TRAFD1: variants seen among roughly 807,000 people sequenced by gnomAD.
The protein encoded by TRAFD1 is TRAF-type zinc finger domain containing 1.
In TRAFD1, 38 loss-of-function variants were observed where a neutral mutation model predicts 65.3. That is an observed-to-expected ratio of 0.58 (90% CI 0.45 to 0.76). The LOEUF (loss-of-function observed/expected upper bound fraction) is 0.76, where lower values mean the gene tolerates loss of function less well. TRAFD1 is among the 30% of genes least tolerant of loss of function. The pLI is 0.00. For missense variants in TRAFD1, 631 were observed against 712.6 expected (o/e 0.89, Z 1.30); for synonymous variants, 223 against 257.2 (o/e 0.87, Z 1.27).
At chr12:112,131,308 T>C (rs908662612) in intron 2 of TRAFD1, among the ~76,000 whole-genome samples, 3 of 152,192 alleles carry the variant, frequency 2.0e-5, no homozygotes, top group African/African-American at 4.8e-5. Flanking sequence ...AGAGACACAT[T>C]GGTTTTTAGC....
rs773695666 is a variant in TRAFD1, at chr12:112,151,806, C to T, written c.1285C>T (p.Leu429=). The change falls in exon 10 of 12, where the codon CTG becomes TTG. Residue 429 remains leucine (L), a synonymous_variant. Transcript: ENST00000412615. ...PRRRVRHQGD[L]SSGYLDDTKQ... ...TTACCATTTTCTCTTCTCAGGAGAC[C>T]TGTCTTCTGGTTACCTGGATGATAC... 6.8e-6 allele frequency: 11 copies of T among 1,611,690 alleles called. No individual in the cohort carries two copies. The highest frequency in any genetic ancestry group is 9.3e-6 in the Non-Finnish European group (11 of 1,178,160).
rs922161556 is a variant in TRAFD1 at position 112,137,962 on chromosome 12, C to T, written c.238-2857C>T. ...AATTACCCTTAAAGGTAATTCACAG[C>T]GGGCTACAGTGACTCATGCCTGTAT... On this transcript the variant is annotated intron_variant, in intron 4 of 11. Coordinates refer to ENST00000412615, the MANE Select transcript of TRAFD1 (RefSeq NM_006700.3). This position sits in a 1 kb window ranked among gnomAD's most constrained non-coding sequence, Gnocchi z 4.2. 2.0e-5 allele frequency among the ~76,000 whole-genome samples: 3 copies of T among 151,834 alleles called. No individual in the cohort carries two copies. Among genetic ancestry groups the T allele is most frequent in the Non-Finnish European group, 4.4e-5 (3 of 67,964 alleles).
At position 112,153,077 on chromosome 12, in the gene TRAFD1, T is replaced by C. The variant is rs541833432; in HGVS notation, c.*286T>C. On this transcript the variant is annotated 3_prime_UTR_variant, in exon 12 of 12. Coordinates refer to ENST00000412615, the MANE Select transcript of TRAFD1 (RefSeq NM_006700.3). ...GCTGCCAGGGCTCCCTTTTGACTTA[T>C]TGTCGCCACTGCCCCTTGGTGCTGT... The C allele has an allele frequency of 2.4e-5, 9 of 374,786 alleles. No individual in the cohort carries two copies. In the South Asian group the frequency reaches 3.5e-4, roughly 15 times the overall value. 23.2% of individuals were successfully genotyped at this position (374,786 alleles called of 1,614,324 possible).
intron 7 of TRAFD1, 55 bp downstream of exon 7, chr12:112,145,717 G>A: frequency 6.6e-7 from 1 of 1,522,324 alleles, no homozygotes; most frequent in Non-Finnish European, 9.1e-7. Context: ...GGCCATAATT[G>A]GTGTTGCAGG....
rs2030451440 is a variant in TRAFD1 at position 112,152,944 on chromosome 12, GT to G, written c.*154del. The G allele has an allele frequency of 3.7e-6, 3 of 817,312 alleles. No individual in the cohort carries two copies. In the East Asian group the frequency reaches 8.1e-5, roughly 22 times the overall value. The allele number at this position is 817,312 out of a possible 1,614,324, so 50.6% of individuals were successfully genotyped here. ...TGGCCATTTTGTGTCTTTTGAGGTT[GT>G]GCTGTGGGGGTTTGGGTTTGAGGGA... On this transcript the variant is annotated 3_prime_UTR_variant, in exon 12 of 12. Coordinates refer to ENST00000412615, the MANE Select transcript of TRAFD1 (RefSeq NM_006700.3). The surrounding 1 kb of genome is among the most constrained non-coding windows in gnomAD (Gnocchi z 5.0).
At chr12:112,131,714 T>A (rs549571215) in intron 2 of TRAFD1, among the ~76,000 whole-genome samples, 2 of 152,196 alleles carry the variant, frequency 1.3e-5, no homozygotes, top group Non-Finnish European at 2.9e-5. Flanking sequence ...CTTCATTTTC[T>A]CCGAAGGTAG....
rs966732589 is a variant in TRAFD1, at chr12:112,137,914, T to G, written c.237+2848T>G. Among the ~76,000 whole-genome samples, 41 of 152,252 alleles carry G rather than the reference T, an allele frequency of 2.7e-4. No homozygotes were observed. The South Asian group carries it at 2.7e-3, about 10-fold the overall frequency. On this transcript the variant is annotated intron_variant, in intron 4 of 11. Coordinates refer to ENST00000412615, the MANE Select transcript of TRAFD1 (RefSeq NM_006700.3). This position sits in a 1 kb window ranked among gnomAD's most constrained non-coding sequence, Gnocchi z 4.2. ...TCTGTGTGCCTCAAACTGTAACAAC[T>G]TGATTTTATTAATTTATAATTAAAT...
At chr12:112,150,389 A>C (rs2030367191) in intron 9 of TRAFD1, among the ~76,000 whole-genome samples, 1 of 151,924 alleles carries the variant, frequency 6.6e-6, no homozygotes, top group South Asian at 2.1e-4. Context: ...AGCTGGAACT[A>C]CAGGCACACT....
chr12:112,135,533 A>G (rs1208537394), intron 4 of TRAFD1, among the ~76,000 whole-genome samples: 4 of 152,116 alleles, frequency 2.6e-5, no homozygotes, highest in African/African-American at 9.7e-5. Context: ...TCCCAGGTTC[A>G]AGCAATTCTC....
At position 112,152,361 on chromosome 12, in the gene TRAFD1, CCTCT is replaced by C. The variant is rs1442240109; in HGVS notation, c.1620-65_1620-62del. ...GCTAGCATAGGACTGCTTCCTGTTC[CCTCT>C]GAGTTTGTTGACCTTTGCTCAGGGA... On this transcript the variant is annotated intron_variant, in intron 10 of 11. Transcript: ENST00000412615. The surrounding 1 kb of genome is among the most constrained non-coding windows in gnomAD (Gnocchi z 5.0). 2.0e-5 allele frequency: 32 copies of C among 1,590,248 alleles called. No homozygotes were observed. The highest frequency in any genetic ancestry group is 1.3e-4 in the African/African-American group (10 of 74,622).
In TRAFD1 at chr12:112,141,120, G is replaced by A. The variant is rs1313459005; in HGVS notation, c.539G>A (p.Arg180Lys). ...RQIEALDPPM[R>K]LPRRPLRAFE... ...ATTGAGGCTCTGGACCCACCCATGA[G>A]GCTGCCGCGAAGGCCCCTGAGAGCC... is the stretch of plus-strand genomic sequence containing the variant. The change falls in exon 5 of 12, where the codon AGG becomes AAG. Residue 180 changes from arginine (R) to lysine (K), a missense_variant. Physicochemically the swap from Arg to Lys is conservative, Grantham distance 26 (BLOSUM62 2). Coordinates refer to ENST00000412615, the MANE Select transcript of TRAFD1 (RefSeq NM_006700.3). 1 of 1,614,174 alleles carries A rather than the reference G, an allele frequency of 6.2e-7. No individual in the cohort carries two copies. Among genetic ancestry groups the A allele is most frequent in the African/African-American group, 1.3e-5 (1 of 75,046 alleles).
intron 4 of TRAFD1, among the ~76,000 whole-genome samples, chr12:112,135,834 T>C (rs943280216): frequency 6.6e-6 from 1 of 151,762 alleles, no homozygotes; most frequent in African/African-American, 2.4e-5. Context: ...GGTTTTTTTT[T>C]TTTTTTTTTT....
intron 2 of TRAFD1, among the ~76,000 whole-genome samples, chr12:112,131,571 G>A (rs2079566293): frequency 6.6e-6 from 1 of 152,162 alleles, no homozygotes; most frequent in African/African-American, 2.4e-5. Context: ...AATTTTTCTG[G>A]AAGCTTTGGT....
At position 112,149,855 on chromosome 12, in the gene TRAFD1, G is replaced by A. The variant is rs763124143; in HGVS notation, c.1263G>A (p.Arg421=). 1.2e-6 allele frequency: 2 copies of A among 1,614,022 alleles called. No homozygotes were observed. Residue 421 remains arginine, a synonymous_variant, in exon 9 of 12, where the codon AGG becomes AGA. Transcript: ENST00000412615. ...AGACCTCACCAGAGCTGCCCAGGAG[G>A]CGTGTCAGACACCAGGGTATTTATT... The part of the protein sequence containing the change: ...PQETSPELPR[R]RVRHQGDLSS...
chr12:112,141,868 G>T, intron 5 of TRAFD1: 1 of 528,014 alleles, frequency 1.9e-6, no homozygotes, highest in Non-Finnish European at 3.4e-6. Flanking sequence ...CAGTAATATT[G>T]CTTAATAATA....
chr12:112,134,842 T>G lies in TRAFD1; in HGVS notation c.152T>G (p.Met51Arg). ...TCKEPFPKSD[M>R]ETHMAAEHCQ... ...AAGGAACCATTTCCCAAATCTGACA[T>G]GGAGACTCACATGGCTGCAGAACAC... The change falls in exon 3 of 12, where the codon ATG (methionine) becomes AGG (arginine). Residue 51 changes from methionine (M) to arginine (R), a missense_variant. Coordinates refer to ENST00000412615, the MANE Select transcript of TRAFD1 (RefSeq NM_006700.3). 1 of 1,613,674 alleles carries G rather than the reference T, an allele frequency of 6.2e-7. No individual in the cohort carries two copies. Among genetic ancestry groups the G allele is most frequent in the Non-Finnish European group, 8.5e-7 (1 of 1,179,556 alleles).
rs992306190 is a variant in TRAFD1 at position 112,130,553 on chromosome 12, C to G, written c.31C>G (p.Arg11Gly). The G allele has an allele frequency of 1.2e-6, 2 of 1,612,556 alleles. No individual in the cohort carries two copies. Among genetic ancestry groups the G allele is most frequent in the Non-Finnish European group, 1.7e-6 (2 of 1,179,188 alleles). MAEFLDDQET[R>G]LCDNCKKEIP... ...TGAATTTCTAGATGACCAGGAAACT[C>G]GACTGTGTGACAACTGGTAAGACAT... Residue 11 changes from arginine to glycine, a missense_variant, in exon 2 of 12, where the codon CGA becomes GGA. By Grantham distance (125) the Arg-to-Gly change is moderately radical. Coordinates refer to ENST00000412615, the MANE Select transcript of TRAFD1 (RefSeq NM_006700.3). This position sits in a 1 kb window ranked among gnomAD's most constrained non-coding sequence, Gnocchi z 4.4.
rs1243967771 is a variant in TRAFD1, at chr12:112,135,860, C to T, written c.237+794C>T. On this transcript the variant is annotated intron_variant, in intron 4 of 11. Transcript: ENST00000412615. The stretch of plus-strand genomic sequence containing the variant: ...TTTTTTTTTTAAATACAGACAGGGT[C>T]GGCTGGGCATGGTGGCTCATGCCTG... Among the ~76,000 whole-genome samples the T allele has an allele frequency of 1.0e-4, 14 of 138,070 alleles. No homozygotes were observed. The East Asian group carries it at 2.0e-3, about 20-fold the overall frequency. The allele number at this position is 138,070 out of a possible 152,430, so 90.6% of individuals were successfully genotyped here. A position where few individuals can be genotyped will look rare whatever the true frequency, so the allele number is the denominator to read the frequency against.
At chr12:112,146,989 T>TG in intron 7 of TRAFD1, among the ~76,000 whole-genome samples, 1 of 112,476 alleles carries the variant, frequency 8.9e-6, no homozygotes, top group Non-Finnish European at 1.7e-5. Context: ...GAACTTCTGT[T>TG]TTTTTTTTTT....
Sources: allele counts gnomAD v4.1 joint callset (sites outside exome capture counted in the v4.1 genomes callset), GRCh38; gene constraint gnomAD v4.1.1; non-coding constraint Gnocchi (gnomAD v3.1); transcripts MANE v1.5; gene names NCBI Gene and HGNC (gene_info 2026-07-23, HGNC 2026-07-21).